PITPNA: variants seen among roughly 807,000 people sequenced by gnomAD.
PITPNA encodes the protein phosphatidylinositol transfer protein alpha isoform.
PITPNA carries 13 observed loss-of-function variants against 50.3 expected under a neutral mutation model. That is an observed-to-expected ratio of 0.26 (90% CI 0.17 to 0.41). The LOEUF (loss-of-function observed/expected upper bound fraction) is 0.41. Among genes scored for constraint, PITPNA ranks in the 10% least tolerant of loss-of-function variants. The pLI, the probability that PITPNA is intolerant of heterozygous loss-of-function variation, is 1.00. For synonymous variants in PITPNA, 120 were observed against 119.6 expected, an observed-to-expected ratio of 1.00 and a Z score of -0.02; for missense variants, 207 against 333.4, an observed-to-expected ratio of 0.62 and a Z score of 2.95.
intron 10 of PITPNA, among the ~76,000 whole-genome samples, chr17:1,531,866 C>T (rs1001635621): frequency 4.6e-5 from 7 of 151,990 alleles, no homozygotes; most frequent in Non-Finnish European, 8.8e-5. Flanking sequence ...AATAAAAAGG[C>T]AAGCCACATC....
At chr17:1,535,133 C>CA (rs769652376) in intron 9 of PITPNA, 49 bp downstream of exon 9, 1 of 1,178,826 alleles carries the variant, frequency 8.5e-7, no homozygotes, top group African/African-American at 1.5e-5. Flanking sequence ...ACCACCCCCC[C>CA]ACAACACACA....
At chr17:1,526,372 G>A (rs1441221660) in intron 10 of PITPNA, among the ~76,000 whole-genome samples, 2 of 152,202 alleles carry the variant, frequency 1.3e-5, no homozygotes, top group African/African-American at 2.4e-5. Flanking sequence ...GGGGTGAAGC[G>A]CGTGATTCTG....
intron 10 of PITPNA, among the ~76,000 whole-genome samples, chr17:1,524,291 G>A (rs574151731): frequency 0.019 from 2,834 of 148,436 alleles, 40 homozygotes; most frequent in Non-Finnish European, 0.028. Context: ...TGATCCGCCC[G>A]CCTTGGCCTC....
At chr17:1,535,839 G>T in intron 7 of PITPNA, 1 of 312,856 alleles carries the variant, frequency 3.2e-6, no homozygotes, top group Non-Finnish European at 6.0e-6. Flanking sequence ...CACCAGGGAA[G>T]ACCTTTTTAA....
At chr17:1,551,390 C>T (rs1344595522) in intron 3 of PITPNA, among the ~76,000 whole-genome samples, 4 of 151,358 alleles carry the variant, frequency 2.6e-5, no homozygotes, top group Non-Finnish European at 2.9e-5. Context: ...CTCTTGGGCT[C>T]GGGTGATCCT....
At chr17:1,561,349 C>G (rs1324568701) in intron 1 of PITPNA, 1 of 152,272 alleles carries the variant, frequency 6.6e-6, no homozygotes, top group Non-Finnish European at 1.5e-5. Context: ...CCACGCACCC[C>G]TCTTCACTAC....
At chr17:1,525,410 A>G (rs1270612174) in intron 10 of PITPNA, among the ~76,000 whole-genome samples, 1 of 152,034 alleles carries the variant, frequency 6.6e-6, no homozygotes, top group Non-Finnish European at 1.5e-5. Context: ...TTTAAGCCAT[A>G]GCCCACTTCA....
At chr17:1,532,281 G>A (rs1261736081) in intron 10 of PITPNA, among the ~76,000 whole-genome samples, 2 of 152,026 alleles carry the variant, frequency 1.3e-5, no homozygotes, top group African/African-American at 2.4e-5. Context: ...TAGAGACAGG[G>A]TTTCACCATG....
At chr17:1,559,000 G>C (rs954623504) in intron 1 of PITPNA, among the ~76,000 whole-genome samples, 1 of 152,116 alleles carries the variant, frequency 6.6e-6, no homozygotes, top group Non-Finnish European at 1.5e-5. Flanking sequence ...AGTGAGTCTA[G>C]TAAGACAGGT....
At position 1,562,422 on chromosome 17, in the gene PITPNA, C is replaced by T. The variant is rs1162719252; in HGVS notation, c.20+119G>A. The T allele has an allele frequency of 8.6e-6, 7 of 816,992 alleles. No individual in the cohort carries two copies. The highest frequency in any genetic ancestry group is 1.2e-5 in the Non-Finnish European group (7 of 578,068). 50.6% of individuals were successfully genotyped at this position (816,992 alleles called of 1,614,324 possible). On this transcript the variant is annotated intron_variant, in intron 1 of 11. Transcript: ENST00000313486. This position sits in a 1 kb window ranked among gnomAD's most constrained non-coding sequence, Gnocchi z 6.4. Reference sequence around the variant, plus strand: ...ATCCCCGCTGGGCCCGCCTCAGGCACCCTCCGTCCCTGCTGCCCCTCCGTC... The same window carrying T: ...ATCCCCGCTGGGCCCGCCTCAGGCATCCTCCGTCCCTGCTGCCCCTCCGTC...
chr17:1,552,140 T>C (rs1207416166), intron 3 of PITPNA, among the ~76,000 whole-genome samples: 1 of 152,268 alleles, frequency 6.6e-6, no homozygotes, highest in African/African-American at 2.4e-5. Context: ...GTTTAGAGAC[T>C]AGAAATTAAG....
chr17:1,521,601 T>C lies in PITPNA; in HGVS notation c.813A>G (p.Ter271=). ...DPVKGMTADD[*] ...TACAGTGCAGAGGGGAAAGGCGGCT[T>C]TAGTCATCTGCTGTCATTCCTTTCA... is the stretch of plus-strand genomic sequence containing the variant. The change falls in exon 11 of 12, where the codon TAA becomes TAG. Residue 271 remains the stop codon, a stop_retained_variant. Transcript: ENST00000313486. 1.9e-6 allele frequency: 3 copies of C among 1,613,200 alleles called. No homozygotes were observed. The highest frequency in any genetic ancestry group is 2.5e-6 in the Non-Finnish European group (3 of 1,179,120).
intron 3 of PITPNA, 29 bp from the exon 4 acceptor site, chr17:1,548,416 G>A (rs1439704549): frequency 6.8e-7 from 1 of 1,476,378 alleles, no homozygotes; most frequent in East Asian, 2.3e-5. Context: ...GGGGTATAAA[G>A]AGAAATGGTA....
In PITPNA at chr17:1,547,611, T is replaced by C. The variant is rs557776980; in HGVS notation, c.289+685A>G. Among the ~76,000 whole-genome samples, 72 of 152,016 alleles carry C rather than the reference T, an allele frequency of 4.7e-4. 1 individual carries two copies. The South Asian group carries it at 0.013, about 28-fold the overall frequency. On this transcript the variant is annotated intron_variant, in intron 4 of 11. Coordinates refer to ENST00000313486, the MANE Select transcript of PITPNA (RefSeq NM_006224.4). ...TTTGCAGTGAGCCAAGATTGTGCCATTGCTCTCCAGCCTAGGCAACAGAGC... is the reference window on the plus strand; with the variant it reads ...TTTGCAGTGAGCCAAGATTGTGCCACTGCTCTCCAGCCTAGGCAACAGAGC...
intron 10 of PITPNA, among the ~76,000 whole-genome samples, chr17:1,533,291 G>C (rs1024624661): frequency 6.6e-6 from 1 of 152,184 alleles, no homozygotes; most frequent in African/African-American, 2.4e-5. Context: ...CAGGGCCAGA[G>C]AGTCCTGGGC....
chr17:1,552,351 T>C (rs569744701), intron 3 of PITPNA, among the ~76,000 whole-genome samples: 4 of 152,352 alleles, frequency 2.6e-5, no homozygotes, highest in East Asian at 3.9e-4. Flanking sequence ...GTATAATTAA[T>C]ACCATCAACG....
At chr17:1,546,823 A>G (rs934501976) in intron 4 of PITPNA, among the ~76,000 whole-genome samples, 3 of 152,228 alleles carry the variant, frequency 2.0e-5, no homozygotes, top group Non-Finnish European at 4.4e-5. Flanking sequence ...ACTAGAATAG[A>G]AAGTTCTCTG....
In PITPNA at chr17:1,548,279, G is replaced by A; in HGVS notation, c.289+17C>T. 6.4e-7 allele frequency: 1 copy of A among 1,557,356 alleles called. No individual in the cohort carries two copies. The highest frequency in any genetic ancestry group is 1.1e-5 in the South Asian group (1 of 87,798). The stretch of plus-strand genomic sequence containing the variant: ...TGCCCGCCCCTGCCTGGCCGACGTG[G>A]CCCCGGCTGCACTCACCGGTTCTGC... On this transcript the variant is annotated intron_variant, in intron 4 of 11. Transcript: ENST00000313486.
intron 5 of PITPNA, chr17:1,541,888 T>A (rs1363931762): frequency 5.1e-6 from 3 of 587,330 alleles, no homozygotes; most frequent in Non-Finnish European, 9.9e-6. Flanking sequence ...TCAAAGAGGT[T>A]AGGTGACTTA....
Sources: allele counts gnomAD v4.1 joint callset (sites outside exome capture counted in the v4.1 genomes callset), GRCh38; gene constraint gnomAD v4.1.1; non-coding constraint Gnocchi (gnomAD v3.1); transcripts MANE v1.5; gene names NCBI Gene and HGNC (gene_info 2026-07-23, HGNC 2026-07-21).